Variants in ZCWPW2 observed in about 807,000 individuals in gnomAD.
The protein encoded by ZCWPW2 is zinc finger CW-type and PWWP domain containing 2.
A neutral mutation model predicts 46.6 loss-of-function variants in ZCWPW2; 45 were observed. The observed-to-expected ratio is 0.96, with a 90% confidence interval of 0.76 to 1.24. The LOEUF is 1.24. Among genes scored for constraint, ZCWPW2 ranks in the 50% most tolerant of loss-of-function variants. The pLI, the probability that ZCWPW2 is intolerant of heterozygous loss-of-function variation, is 0.00. For synonymous variants in ZCWPW2, 152 were observed against 137.1 expected (o/e 1.11, Z -0.76); for missense variants, 429 against 403.9 (o/e 1.06, Z -0.53).
intron 4 of ZCWPW2, among the ~76,000 whole-genome samples, chr3:28,460,590 C>A (rs1159285812): frequency 6.6e-6 from 1 of 152,154 alleles, no homozygotes; most frequent in African/African-American, 2.4e-5. Flanking sequence ...CTCTGATGCA[C>A]ATGGGTATAA....
At chr3:28,436,327 T>TTC (rs1553636384) in intron 4 of ZCWPW2, among the ~76,000 whole-genome samples, 2 of 141,124 alleles carry the variant, frequency 1.4e-5, no homozygotes, top group African/African-American at 2.8e-5. Context: ...TTTTTTCTTT[T>TTC]TTTTTTTTTT....
At chr3:28,516,255 CAATAAATAAATAAATAAATAAATAAATA>C (rs56931163) in intron 8 of ZCWPW2, among the ~76,000 whole-genome samples, 3 of 140,126 alleles carry the variant, frequency 2.1e-5, no homozygotes, top group Admixed American at 7.3e-5. Flanking sequence ...GATTCCCTCT[CAATAAATAAATAAATAAATAAATAAATA>C]AATAAATAAA....
chr3:28,394,271 A>G (rs1695608207), intron 2 of ZCWPW2, among the ~76,000 whole-genome samples: 1 of 152,088 alleles, frequency 6.6e-6, no homozygotes, highest in Non-Finnish European at 1.5e-5. Flanking sequence ...AATAAATTGA[A>G]AAATAAACAA....
chr3:28,477,674 G>A (rs1699280574), intron 4 of ZCWPW2, among the ~76,000 whole-genome samples: 1 of 152,092 alleles, frequency 6.6e-6, no homozygotes, highest in African/African-American at 2.4e-5. Context: ...TTCATTCTCT[G>A]AATTAATTCA....
intron 2 of ZCWPW2, among the ~76,000 whole-genome samples, chr3:28,407,672 A>G (rs1296578219): frequency 6.6e-6 from 1 of 152,188 alleles, no homozygotes; most frequent in Non-Finnish European, 1.5e-5. Context: ...TTATAATTTT[A>G]AATAGCCATT....
intron 4 of ZCWPW2, among the ~76,000 whole-genome samples, chr3:28,462,446 T>C (rs1020874266): frequency 6.6e-6 from 1 of 152,218 alleles, no homozygotes; most frequent in Non-Finnish European, 1.5e-5. Context: ...TCTGCCCTCA[T>C]TTTTCAAGCA....
chr3:28,435,008 G>T, intron 3 of ZCWPW2, 102 bp from the exon 4 acceptor site: 2 of 1,217,554 alleles, frequency 1.6e-6, no homozygotes, highest in South Asian at 1.4e-5. Context: ...TTGTGAAAAG[G>T]CATTAAAATT....
At chr3:28,518,884 C>T (rs1454911371) in intron 8 of ZCWPW2, among the ~76,000 whole-genome samples, 1 of 152,094 alleles carries the variant, frequency 6.6e-6, no homozygotes, top group African/African-American at 2.4e-5. Context: ...CATCTATTAA[C>T]AGGTTACTAA....
rs541896627 is a variant in ZCWPW2, at chr3:28,430,872, G to A, written c.333-4238G>A. On this transcript the variant is annotated intron_variant, in intron 3 of 9. Transcript: ENST00000383768. Reference sequence around the variant, plus strand: ...GTTTGCTACCCCTTCTGCCATGATTGTAAGTTTCCTAAGGCCTCCCCAGTC... The same window carrying A: ...GTTTGCTACCCCTTCTGCCATGATTATAAGTTTCCTAAGGCCTCCCCAGTC... Among the ~76,000 whole-genome samples, 3 of 152,228 alleles carry A rather than the reference G, an allele frequency of 2.0e-5. No individual in the cohort carries two copies. In the South Asian group the frequency reaches 6.2e-4, roughly 32 times the overall value.
intron 4 of ZCWPW2, among the ~76,000 whole-genome samples, chr3:28,477,262 A>G (rs1449155229): frequency 2.6e-5 from 4 of 152,184 alleles, no homozygotes; most frequent in Non-Finnish European, 5.9e-5. Context: ...TCTGTTTCCT[A>G]TGAAATAACT....
chr3:28,447,590 G>A (rs1698043730), intron 4 of ZCWPW2: 1 of 206,312 alleles, frequency 4.8e-6, no homozygotes, highest in Non-Finnish European at 1.0e-5. Context: ...CTTCTGAGAT[G>A]AGGAACAAAG....
intron 8 of ZCWPW2, among the ~76,000 whole-genome samples, chr3:28,516,830 G>T (rs1002332899): frequency 2.0e-5 from 3 of 150,368 alleles, no homozygotes; most frequent in African/African-American, 2.5e-5. Flanking sequence ...AACACAGTGA[G>T]ACCTCATCTC....
At chr3:28,376,371 T>C (rs962223175) in intron 1 of ZCWPW2, among the ~76,000 whole-genome samples, 5 of 152,172 alleles carry the variant, frequency 3.3e-5, no homozygotes, top group African/African-American at 1.2e-4. Context: ...ATTATTGTAT[T>C]GACATATTTT....
At chr3:28,502,403 T>C (rs527676733) in intron 6 of ZCWPW2, among the ~76,000 whole-genome samples, 1 of 152,244 alleles carries the variant, frequency 6.6e-6, no homozygotes, top group South Asian at 2.1e-4. Flanking sequence ...AAAGTCTATG[T>C]TGAGACTTAT....
intron 4 of ZCWPW2, among the ~76,000 whole-genome samples, chr3:28,437,898 A>G (rs1032249106): frequency 6.6e-6 from 1 of 152,198 alleles, no homozygotes; most frequent in Non-Finnish European, 1.5e-5. Context: ...CTAGACAACA[A>G]TCAGACACTG....
At chr3:28,361,173 G>C (rs1704926290) in intron 1 of ZCWPW2, among the ~76,000 whole-genome samples, 1 of 152,064 alleles carries the variant, frequency 6.6e-6, no homozygotes, top group South Asian at 2.1e-4. Context: ...CTGGCATAAA[G>C]ACAGACACAC....
chr3:28,377,967 A>G (rs1575066165), intron 1 of ZCWPW2, among the ~76,000 whole-genome samples: 1 of 152,206 alleles, frequency 6.6e-6, no homozygotes, highest in East Asian at 1.9e-4. Context: ...TAAATATGCC[A>G]GTATGCTGTT....
At chr3:28,466,298 C>T (rs966477688) in intron 4 of ZCWPW2, among the ~76,000 whole-genome samples, 8 of 152,102 alleles carry the variant, frequency 5.3e-5, no homozygotes, top group African/African-American at 7.2e-5. Flanking sequence ...ACAATTTACC[C>T]ATGTAATGGA....
At chr3:28,489,128 A>G (rs1699710838) in intron 5 of ZCWPW2, among the ~76,000 whole-genome samples, 1 of 152,116 alleles carries the variant, frequency 6.6e-6, no homozygotes, top group South Asian at 2.1e-4. Context: ...TTGTTAGAAA[A>G]TTTACATAAG....
Sources: allele counts gnomAD v4.1 joint callset (sites outside exome capture counted in the v4.1 genomes callset), GRCh38; gene constraint gnomAD v4.1.1; transcripts MANE v1.5; gene names NCBI Gene and HGNC (gene_info 2026-07-23, HGNC 2026-07-21).